The following STEAP3 variants were observed in gnomAD, a reference collection of about 807,000 sequenced individuals.
STEAP3 encodes STEAP3 metalloreductase.
STEAP3 carries 35 observed loss-of-function variants against 34.9 expected under a neutral mutation model. The ratio of observed to expected loss-of-function variants is 1.00; its 90% CI spans 0.76 to 1.33. STEAP3 has a LOEUF of 1.33. Ranked by LOEUF, STEAP3 falls within the 40% of genes most tolerant of loss-of-function variation. The pLI is 0.00. For missense variants in STEAP3, 652 were observed against 667.6 expected (o/e 0.98, Z 0.26); for synonymous variants, 281 against 301.6 (o/e 0.93, Z 0.71).
Position 119,247,958 on chromosome 2 carries a change from A to G in STEAP3, c.802A>G (p.Thr268Ala). The change falls in exon 4 of 6, where the codon ACA (threonine) becomes GCA (alanine). Residue 268 changes from threonine (T) to alanine (A), a missense_variant. Physicochemically the swap from Thr to Ala is moderately conservative, Grantham distance 58. Transcript: ENST00000393110. ...GCTGCCCGTGTCCGTGGTCAACACCACACTGCCGTGCGTGGCCTACGTGCT... is the reference window on the plus strand; with the variant it reads ...GCTGCCCGTGTCCGTGGTCAACACCGCACTGCCGTGCGTGGCCTACGTGCT... The part of the protein sequence containing the change: ...FKLPVSVVNT[T>A]LPCVAYVLLS... 1 of 1,613,394 alleles carries G rather than the reference A, an allele frequency of 6.2e-7. No homozygotes were observed. Among genetic ancestry groups the G allele is most frequent in the Non-Finnish European group, 8.5e-7 (1 of 1,179,960 alleles).
intron 4 of STEAP3, among the ~76,000 whole-genome samples, chr2:119,250,417 T>G (rs1024330424): frequency 6.6e-6 from 1 of 152,236 alleles, no homozygotes; most frequent in African/African-American, 2.4e-5. Context: ...GGCCCTGATG[T>G]GTAGATCAAG....
chr2:119,240,996 G>T (rs1357065218), intron 2 of STEAP3, among the ~76,000 whole-genome samples: 2 of 152,010 alleles, frequency 1.3e-5, no homozygotes, highest in African/African-American at 4.8e-5. Flanking sequence ...AGAATTGAAC[G>T]TGGCCACTGT....
chr2:119,254,778 C>T lies in STEAP3; in HGVS notation c.1145C>T (p.Ser382Phe). The T allele has an allele frequency of 6.2e-6, 10 of 1,614,172 alleles. No homozygotes were observed. Among genetic ancestry groups the T allele is most frequent in the Non-Finnish European group, 8.5e-6 (10 of 1,180,028 alleles). Reference sequence around the variant, plus strand: ...GGAGTGCTGGCCCTCGGCACGTTGTCCCTGCTGGCCGTGACCTCACTGCCG... The same window carrying T: ...GGAGTGCTGGCCCTCGGCACGTTGTTCCTGCTGGCCGTGACCTCACTGCCG... ...SLGVLALGTL[S>F]LLAVTSLPSI... Residue 382 changes from serine (S) to phenylalanine (F), a missense_variant, in exon 5 of 6, where the codon TCC (serine) becomes TTC (phenylalanine). Physicochemically the swap from Ser to Phe is radical, Grantham distance 155. Coordinates refer to ENST00000393110, the MANE Select transcript of STEAP3 (RefSeq NM_182915.3).
chr2:119,258,307 T>C (rs1031783668), intron 5 of STEAP3, among the ~76,000 whole-genome samples: 2 of 152,146 alleles, frequency 1.3e-5, no homozygotes, highest in South Asian at 4.1e-4. Context: ...GCAAGCTGTT[T>C]TATCAGCAAG....
intron 2 of STEAP3, among the ~76,000 whole-genome samples, chr2:119,233,152 C>A (rs1329541497): frequency 6.6e-6 from 1 of 152,176 alleles, no homozygotes; most frequent in Non-Finnish European, 1.5e-5. Context: ...CTGGGCAGAA[C>A]CCTCCAAATG....
chr2:119,249,211 T>C (rs2104828468), intron 4 of STEAP3: 1 of 152,128 alleles, frequency 6.6e-6, no homozygotes. Flanking sequence ...ATTTAGAAAA[T>C]TCATATGGGG....
intron 2 of STEAP3, among the ~76,000 whole-genome samples, chr2:119,241,791 C>T (rs1677254866): frequency 6.6e-6 from 1 of 152,240 alleles, no homozygotes; most frequent in African/African-American, 2.4e-5. Context: ...GCAATCCCTT[C>T]CCACCTGTGA....
At chr2:119,238,477 GT>G (rs1475197282) in intron 2 of STEAP3, among the ~76,000 whole-genome samples, 3 of 152,182 alleles carry the variant, frequency 2.0e-5, no homozygotes, top group African/African-American at 7.2e-5. Context: ...CTTTATGTAG[GT>G]TGTTTGTCTT....
chr2:119,256,841 G>A (rs778306684), intron 5 of STEAP3, among the ~76,000 whole-genome samples: 3 of 152,186 alleles, frequency 2.0e-5, no homozygotes, highest in African/African-American at 7.2e-5. Flanking sequence ...TCTGCTCCAA[G>A]AGCCTCAGTT....
chr2:119,246,025 A>C (rs1677415175), intron 3 of STEAP3, 37 bp downstream of exon 3: 2 of 1,577,058 alleles, frequency 1.3e-6, no homozygotes, highest in South Asian at 2.3e-5. Context: ...CGTAACAATA[A>C]ATATAAATGG....
rs1678013132 is a variant in STEAP3 at position 119,263,512 on chromosome 2, T to C, written c.*174T>C. 3.8e-6 allele frequency: 3 copies of C among 782,910 alleles called. No individual in the cohort carries two copies. The highest frequency in any genetic ancestry group is 3.5e-5 in the African/African-American group (2 of 57,456). 48.5% of individuals were successfully genotyped at this position (782,910 alleles called of 1,614,324 possible). A position where few individuals can be genotyped will look rare whatever the true frequency, so the allele number is the denominator to read the frequency against. On this transcript the variant is annotated 3_prime_UTR_variant, in exon 6 of 6. Coordinates refer to ENST00000393110, the MANE Select transcript of STEAP3 (RefSeq NM_182915.3). ...TACTATTCAGAATGATATACACACATATGTGTATATGTATTTACATATATT... is the reference window on the plus strand; with the variant it reads ...TACTATTCAGAATGATATACACACACATGTGTATATGTATTTACATATATT...
chr2:119,231,371 G>A (rs1342372106), intron 2 of STEAP3, among the ~76,000 whole-genome samples: 1 of 149,956 alleles, frequency 6.7e-6, no homozygotes, highest in South Asian at 2.2e-4. Context: ...GTGTGTGTGT[G>A]TGTGTGTGTG....
chr2:119,230,145 CA>C (rs1451373666), intron 1 of STEAP3, among the ~76,000 whole-genome samples: 1 of 152,178 alleles, frequency 6.6e-6, no homozygotes, highest in Non-Finnish European at 1.5e-5. Flanking sequence ...AAGTTGAAAA[CA>C]ATAGAATACA....
At chr2:119,248,317 G>C in intron 4 of STEAP3, 111 bp downstream of exon 4, 3 of 1,255,968 alleles carry the variant, frequency 2.4e-6, no homozygotes, top group South Asian at 3.0e-5. Flanking sequence ...GCCTTACCAG[G>C]TGCCAACTGC....
At chr2:119,249,558 C>A (rs1677560391) in intron 4 of STEAP3, among the ~76,000 whole-genome samples, 1 of 152,134 alleles carries the variant, frequency 6.6e-6, no homozygotes, top group African/African-American at 2.4e-5. Context: ...GCAGCCCCTG[C>A]AGCTCCTGCT....
At position 119,264,334 on chromosome 2, in the gene STEAP3, G is replaced by C. The variant is rs566912127; in HGVS notation, c.*996G>C. 1 of 152,568 alleles carries C rather than the reference G, an allele frequency of 6.6e-6. No individual in the cohort carries two copies. Among genetic ancestry groups the C allele is most frequent in the African/African-American group, 2.4e-5 (1 of 41,556 alleles). The allele number at this position is 152,568 out of a possible 1,614,324, so 9.5% of individuals were successfully genotyped here. A position where few individuals can be genotyped will look rare whatever the true frequency, so the allele number is the denominator to read the frequency against. On this transcript the variant is annotated 3_prime_UTR_variant, in exon 6 of 6. Transcript: ENST00000393110. ...TGAGCCCTGCCTGGGCTGAAGGACT[G>C]TCTTCACGAAGTCAGTCCTGAGGAA...
chr2:119,234,112 A>G (rs1451798623), intron 2 of STEAP3, among the ~76,000 whole-genome samples: 2 of 152,228 alleles, frequency 1.3e-5, no homozygotes. Context: ...GATGTGAGGC[A>G]GGCCGAGCTC....
intron 2 of STEAP3, among the ~76,000 whole-genome samples, chr2:119,237,776 C>T (rs997318771): frequency 9.9e-5 from 15 of 152,210 alleles, no homozygotes; most frequent in African/African-American, 3.1e-4. Flanking sequence ...CACATCACCA[C>T]GCAATTCACC....
chr2:119,224,451 C>T (rs1007620678), intron 1 of STEAP3, among the ~76,000 whole-genome samples: 4 of 152,218 alleles, frequency 2.6e-5, no homozygotes, highest in Non-Finnish European at 5.9e-5. Flanking sequence ...GGAGCCCTTG[C>T]CTGGCAAAGT....
Sources: gnomAD v4.1 joint callset for allele counts (sites outside exome capture counted in the v4.1 genomes callset) on GRCh38, gnomAD v4.1.1 for gene constraint, MANE v1.5 for transcripts, NCBI Gene and HGNC (gene_info 2026-07-23, HGNC 2026-07-21) for gene names.